Variants in PTCD3 observed in about 807,000 individuals in gnomAD.
PTCD3 encodes pentatricopeptide repeat domain 3.
PTCD3 carries 89 observed loss-of-function variants against 101.9 expected under a neutral mutation model. The ratio of observed to expected loss-of-function variants is 0.87; its 90% CI spans 0.74 to 1.04. The LOEUF (loss-of-function observed/expected upper bound fraction) is 1.04. PTCD3 is among the 50% of genes least tolerant of loss of function. The pLI is 0.00. For synonymous variants in PTCD3, 296 were observed against 278.5 expected (o/e 1.06, Z -0.63); for missense variants, 870 against 828.2 (o/e 1.05, Z -0.62).
intron 22 of PTCD3, 129 bp downstream of exon 22, chr2:86,136,691 T>C: frequency 9.1e-7 from 1 of 1,102,508 alleles, no homozygotes; most frequent in Non-Finnish European, 1.4e-6. Flanking sequence ...AACTCCCTAC[T>C]ATCCAGGGCA....
In PTCD3 at chr2:86,131,082, G is replaced by GT. The variant is rs1558799528; in HGVS notation, c.1248dup (p.Gln417SerfsTer35). The GT allele has an allele frequency of 6.2e-7, 1 of 1,602,864 alleles. No individual in the cohort carries two copies. The highest frequency in any genetic ancestry group is 1.3e-5 in the African/African-American group (1 of 74,384). ...CTTGTGAACTTTGATTTTCAGATAA[G>GT]TTTTTTCAGTCAGCCATGAGCATAG... On this transcript the variant is annotated frameshift_variant, in exon 16 of 24. Coordinates refer to ENST00000254630, the MANE Select transcript of PTCD3 (RefSeq NM_017952.6). LOFTEE classifies it high-confidence loss of function.
intron 16 of PTCD3, 133 bp from the exon 17 acceptor site, chr2:86,132,185 T>TATAA (rs1674505205): frequency 1.8e-6 from 1 of 564,984 alleles, no homozygotes; most frequent in Non-Finnish European, 3.1e-6. Flanking sequence ...CCATTTCTTA[T>TATAA]AACTTACTTG....
intron 14 of PTCD3, among the ~76,000 whole-genome samples, 186 bp downstream of exon 14, chr2:86,128,177 C>G (rs2104458090): frequency 6.6e-6 from 1 of 152,030 alleles, no homozygotes; most frequent in African/African-American, 2.4e-5. Context: ...CCCATTGCAG[C>G]CTTGAACTCC....
chr2:86,126,865 T>C (rs1395846849), intron 12 of PTCD3, among the ~76,000 whole-genome samples: 6 of 152,028 alleles, frequency 3.9e-5, no homozygotes, highest in Admixed American at 3.9e-4. Flanking sequence ...AACCACTTTT[T>C]TATATCATAC....
At chr2:86,115,192 C>G (rs931885905) in intron 4 of PTCD3, among the ~76,000 whole-genome samples, 21 of 152,190 alleles carry the variant, frequency 1.4e-4, no homozygotes, top group Admixed American at 1.4e-3. Flanking sequence ...CAGCCTTGGA[C>G]GCAGACCTTC....
intron 9 of PTCD3, among the ~76,000 whole-genome samples, chr2:86,124,169 A>T (rs543662057): frequency 9.9e-5 from 15 of 152,250 alleles, no homozygotes; most frequent in Non-Finnish European, 1.9e-4. Flanking sequence ...ACATGTAGAC[A>T]TACACAGCAG....
chr2:86,121,689 G>A (rs1573852464), intron 8 of PTCD3, 95 bp downstream of exon 8: 1 of 728,344 alleles, frequency 1.4e-6, no homozygotes, highest in East Asian at 2.6e-5. Flanking sequence ...CCATGTGTCA[G>A]GGTAGTAGAG....
At chr2:86,123,240 C>T (rs1674325418) in intron 8 of PTCD3, among the ~76,000 whole-genome samples, 2 of 142,584 alleles carry the variant, frequency 1.4e-5, no homozygotes, top group Non-Finnish European at 3.0e-5. Flanking sequence ...CCAACCTGGG[C>T]GAGAGAGCGA....
At chr2:86,127,643 T>C (rs998054022) in intron 13 of PTCD3, 2 of 468,706 alleles carry the variant, frequency 4.3e-6, no homozygotes, top group Admixed American at 7.8e-5. Context: ...TATTTTTCAT[T>C]AATTACTTTA....
At chr2:86,133,041 A>T in intron 17 of PTCD3, 137 bp from the exon 18 acceptor site, 1 of 1,392,278 alleles carries the variant, frequency 7.2e-7, no homozygotes, top group East Asian at 2.5e-5. Context: ...TAAACCAAAT[A>T]TTGGCTCGTT....
chr2:86,106,372 C>T, intron 1 of PTCD3, 21 bp downstream of exon 1: 1 of 1,608,786 alleles, frequency 6.2e-7, no homozygotes, highest in Non-Finnish European at 8.5e-7. Context: ...CTTAGGGTAT[C>T]CGCGAAGAAG....
chr2:86,126,824 C>T (rs559338221), intron 12 of PTCD3, among the ~76,000 whole-genome samples: 88 of 147,738 alleles, frequency 6.0e-4, no homozygotes, highest in African/African-American at 2.0e-3. Context: ...GCAAGAAGAG[C>T]GAAACTTTGT....
chr2:86,108,804 A>G (rs555467601), intron 3 of PTCD3: 3 of 357,940 alleles, frequency 8.4e-6, no homozygotes, highest in South Asian at 1.1e-4. Flanking sequence ...TTAATAATAC[A>G]TGGTTATACA....
Position 86,121,649 on chromosome 2 carries a change from T to G in PTCD3, c.654+55T>G, listed in dbSNP as rs530516915. ...TTCCTTAAGCTTCTTTTTGAAGAAA[T>G]TGCTTTTAAAAATAAGATGGGTTGT... On this transcript the variant is annotated intron_variant, in intron 8 of 23. Transcript: ENST00000254630. The G allele has an allele frequency of 4.1e-5, 49 of 1,184,512 alleles. No homozygotes were observed. In the African/African-American group the frequency reaches 7.0e-4, roughly 17 times the overall value. The allele number at this position is 1,184,512 out of a possible 1,614,324, so 73.4% of individuals were successfully genotyped here.
rs1372641519 is a variant in PTCD3 at position 86,140,248 on chromosome 2, C to CAAA, written c.*2690_*2691insAAA. The CAAA allele has an allele frequency of 7.0e-6, 1 of 142,346 alleles. No individual in the cohort carries two copies. Among genetic ancestry groups the CAAA allele is most frequent in the Non-Finnish European group, 1.5e-5 (1 of 66,014 alleles). The allele number at this position is 142,346 out of a possible 1,614,324, so 8.8% of individuals were successfully genotyped here. ...AAAGCAAAAAAAAAAAAAAAAAAACCAGTTAGCTGCTATATAAACACTATA... is the reference window on the plus strand; with the variant it reads ...AAAGCAAAAAAAAAAAAAAAAAAACCAAAAGTTAGCTGCTATATAAACACTATA... On this transcript the variant is annotated 3_prime_UTR_variant, in exon 24 of 24. Transcript: ENST00000254630.
Position 86,120,532 on chromosome 2 carries a change from G to T in PTCD3, c.539-947G>T, listed in dbSNP as rs143996565. Among the ~76,000 whole-genome samples, 641 of 152,224 alleles carry T rather than the reference G, an allele frequency of 4.2e-3. 5 individuals carry two copies. The highest frequency in any genetic ancestry group is 0.014 in the African/African-American group (581 of 41,540). On this transcript the variant is annotated intron_variant, in intron 7 of 23. Coordinates refer to ENST00000254630, the MANE Select transcript of PTCD3 (RefSeq NM_017952.6). ...CTCCATAGCCTGTACCCTCTGCCCT[G>T]CTTTCTCTTCTGGACTTTTTACATT...
At position 86,127,199 on chromosome 2, in the gene PTCD3, A is replaced by G. The variant is rs148105276; in HGVS notation, c.990A>G (p.Pro330=). The G allele has an allele frequency of 1.2e-6, 2 of 1,613,712 alleles. No individual in the cohort carries two copies. The highest frequency in any genetic ancestry group is 1.7e-6 in the Non-Finnish European group (2 of 1,179,848). ...LRHMVAQKVK[P]NLQTFNTILK... is the part of the protein sequence containing the mutation. ...ACATGGTTGCACAGAAGGTGAAACC[A>G]AATCTTCAGACTTTTAATACCATTC... The change falls in exon 13 of 24, where the codon CCA becomes CCG. Residue 330 remains proline, a synonymous_variant. Transcript: ENST00000254630.
Position 86,118,952 on chromosome 2 carries a change from T to C in PTCD3, c.446T>C (p.Ile149Thr), listed in dbSNP as rs1558795657. 1.2e-6 allele frequency: 2 copies of C among 1,613,930 alleles called. No individual in the cohort carries two copies. The highest frequency in any genetic ancestry group is 1.7e-6 in the Non-Finnish European group (2 of 1,179,902). ...ATGCCTGAGTACTTTGAACCTCAGATCAAAGACATAAGTGAAGCCGCCCTG... is the reference window on the plus strand; with the variant it reads ...ATGCCTGAGTACTTTGAACCTCAGACCAAAGACATAAGTGAAGCCGCCCTG... Reference protein sequence around the residue: ...CLMPEYFEPQIKDISEAALKE... With the variant: ...CLMPEYFEPQTKDISEAALKE... Residue 149 changes from isoleucine (I) to threonine (T), a missense_variant, in exon 7 of 24, where the codon ATC becomes ACC. By Grantham distance (89) the Ile-to-Thr change is moderately conservative. Coordinates refer to ENST00000254630, the MANE Select transcript of PTCD3 (RefSeq NM_017952.6).
At chr2:86,113,490 G>A (rs6547659) in intron 4 of PTCD3, among the ~76,000 whole-genome samples, 120,538 of 152,144 alleles carry the variant, frequency 0.79, 49,160 homozygotes, top group South Asian at 0.89. Context: ...CTTCTATTGT[G>A]GATATTAAAC....
Sources: allele counts gnomAD v4.1 joint callset (sites outside exome capture counted in the v4.1 genomes callset), GRCh38; gene constraint gnomAD v4.1.1; transcripts MANE v1.5; gene names NCBI Gene and HGNC (gene_info 2026-07-23, HGNC 2026-07-21).